The following ARMH3 variants were observed in gnomAD, a reference collection of about 807,000 sequenced individuals.
The protein encoded by ARMH3 is armadillo like helical domain containing 3, also known as armadillo-like helical domain-containing protein 3.
Under a neutral mutation model 99.1 loss-of-function variants are expected in ARMH3, and 60 were observed. The observed-to-expected ratio is 0.61, with a 90% CI of 0.49 to 0.75. ARMH3 has a LOEUF of 0.75. ARMH3 is among the 30% of genes least tolerant of loss of function. The pLI is 0.00. For missense variants in ARMH3, 679 were observed against 843.1 expected (o/e 0.81, Z 2.41); for synonymous variants, 285 against 292.8 (o/e 0.97, Z 0.27).
intron 19 of ARMH3, among the ~76,000 whole-genome samples, chr10:101,976,168 C>CAA (rs780547260): frequency 0.01 from 241 of 23,042 alleles, 10 homozygotes; most frequent in East Asian, 0.059. Flanking sequence ...GACTCTGTCT[C>CAA]AAAAAAAAAA....
At chr10:101,876,475 C>T (rs1378583187) in intron 24 of ARMH3, among the ~76,000 whole-genome samples, 1 of 152,144 alleles carries the variant, frequency 6.6e-6, no homozygotes, top group Non-Finnish European at 1.5e-5. Flanking sequence ...ATTTATCTAT[C>T]CCTCCCAAAC....
chr10:101,873,620 G>A (rs1196189936), intron 24 of ARMH3, among the ~76,000 whole-genome samples: 3 of 152,116 alleles, frequency 2.0e-5, no homozygotes, highest in South Asian at 2.1e-4. Context: ...AAGAAATCCC[G>A]TACTCATTAG....
chr10:101,860,254 A>C (rs1038452123), intron 24 of ARMH3, among the ~76,000 whole-genome samples: 6 of 152,162 alleles, frequency 3.9e-5, no homozygotes, highest in African/African-American at 1.4e-4. Context: ...ATAGATATAG[A>C]TATAGATATA....
At chr10:102,016,135 GATCA>G (rs763906667) in intron 8 of ARMH3, among the ~76,000 whole-genome samples, 15 of 152,128 alleles carry the variant, frequency 9.9e-5, no homozygotes, top group Non-Finnish European at 1.9e-4. Context: ...ACCCTGTCTC[GATCA>G]ATCAATCAAA....
chr10:101,866,488 A>C (rs925889501), intron 24 of ARMH3, among the ~76,000 whole-genome samples: 6 of 151,332 alleles, frequency 4.0e-5, no homozygotes, highest in African/African-American at 1.5e-4. Flanking sequence ...AGTGTAAAAA[A>C]AAAAAAAAAA....
At chr10:102,031,604 A>C (rs1271671608) in intron 4 of ARMH3, among the ~76,000 whole-genome samples, 1 of 152,216 alleles carries the variant, frequency 6.6e-6, no homozygotes, top group Non-Finnish European at 1.5e-5. Flanking sequence ...ACATCAACTC[A>C]AGAGGTAATT....
Position 101,889,701 on chromosome 10 carries a change from T to C in ARMH3, c.1782-211A>G, listed in dbSNP as rs991272237. 6 of 542,180 alleles carry C rather than the reference T, an allele frequency of 1.1e-5. No homozygotes were observed. In the Admixed American group the frequency reaches 1.5e-4, roughly 14 times the overall value. The allele number at this position is 542,180 out of a possible 1,614,324, so 33.6% of individuals were successfully genotyped here. On this transcript the variant is annotated intron_variant, in intron 23 of 25. Transcript: ENST00000370033. ...GAAGGATTTACTATTAGACAGAAAA[T>C]AGAATCAAGCATCTCTGCTCTGCAA... is the stretch of plus-strand genomic sequence containing the variant.
At chr10:101,966,839 G>C (rs1845564643) in intron 20 of ARMH3, among the ~76,000 whole-genome samples, 1 of 152,142 alleles carries the variant, frequency 6.6e-6, no homozygotes, top group South Asian at 2.1e-4. Flanking sequence ...GGTAAACCAG[G>C]TGCAGAGAGG....
intron 23 of ARMH3, among the ~76,000 whole-genome samples, chr10:101,935,173 CAATATATATA>C (rs1175329720): frequency 2.9e-5 from 2 of 67,882 alleles, no homozygotes; most frequent in African/African-American, 1.8e-4. Flanking sequence ...AAAGGTGGAG[CAATATATATA>C]TATATATATA....
intron 24 of ARMH3, among the ~76,000 whole-genome samples, chr10:101,853,050 ATT>A (rs747143889): frequency 3.4e-4 from 44 of 129,488 alleles, no homozygotes; most frequent in Admixed American, 2.4e-4. Flanking sequence ...TGCTTGGCTA[ATT>A]TTTTTTTTTT....
intron 24 of ARMH3, among the ~76,000 whole-genome samples, chr10:101,858,442 A>C (rs1488670447): frequency 6.6e-6 from 1 of 152,202 alleles, no homozygotes; most frequent in Non-Finnish European, 1.5e-5. Flanking sequence ...AAAGCTTTCT[A>C]TGCTTGGCAC....
chr10:101,988,176 A>C (rs935626702), intron 19 of ARMH3, among the ~76,000 whole-genome samples: 7 of 152,230 alleles, frequency 4.6e-5, no homozygotes, highest in Non-Finnish European at 1.0e-4. Flanking sequence ...GTAACAGTTC[A>C]GAATTTATAG....
chr10:102,044,119 A>T (rs1385737691), intron 1 of ARMH3, among the ~76,000 whole-genome samples: 1 of 121,904 alleles, frequency 8.2e-6, no homozygotes, highest in African/African-American at 3.2e-5. Flanking sequence ...TTGGAGACGG[A>T]GTCTCGCTCT....
intron 2 of ARMH3, 63 bp from the exon 3 acceptor site, chr10:102,033,402 A>G: frequency 1.3e-6 from 2 of 1,499,578 alleles, no homozygotes; most frequent in Non-Finnish European, 1.8e-6. Flanking sequence ...TAAGAATACT[A>G]TACATAGTCA....
intron 22 of ARMH3, among the ~76,000 whole-genome samples, chr10:101,950,933 G>C (rs1844754871): frequency 6.6e-6 from 1 of 151,960 alleles, no homozygotes; most frequent in South Asian, 2.1e-4. Context: ...TGCTTTAATG[G>C]GCAGATTATA....
Position 101,978,195 on chromosome 10 carries a change from A to T in ARMH3, c.1407-2895T>A, listed in dbSNP as rs1394266607. ...AGCATTCATAATAAAAGAAAACTGG[A>T]AACAACTATGGAAAGAACATTTGAT... is the stretch of plus-strand genomic sequence containing the variant. On this transcript the variant is annotated intron_variant, in intron 19 of 25. Coordinates refer to ENST00000370033, the MANE Select transcript of ARMH3 (RefSeq NM_024541.3). Among the ~76,000 whole-genome samples the T allele has an allele frequency of 1.1e-4, 16 of 152,270 alleles. No individual in the cohort carries two copies. In the East Asian group the frequency reaches 3.1e-3, roughly 29 times the overall value.
At chr10:101,883,013 T>C (rs1014235132) in intron 24 of ARMH3, among the ~76,000 whole-genome samples, 6 of 152,352 alleles carry the variant, frequency 3.9e-5, no homozygotes, top group African/African-American at 1.4e-4. Context: ...GCATCACCTG[T>C]GAATTAGTAT....
At chr10:102,028,571 T>C (rs942218318) in intron 5 of ARMH3, among the ~76,000 whole-genome samples, 3 of 152,160 alleles carry the variant, frequency 2.0e-5, no homozygotes, top group Non-Finnish European at 2.9e-5. Flanking sequence ...TAAAAAGGAA[T>C]GAAATACTAA....
At position 102,009,895 on chromosome 10, in the gene ARMH3, A is replaced by C. The variant is rs773665752; in HGVS notation, c.878+82T>G. The C allele has an allele frequency of 4.1e-4, 532 of 1,283,320 alleles. 1 individual carries two copies. Among genetic ancestry groups the C allele is most frequent in the Non-Finnish European group, 5.1e-4 (458 of 898,542 alleles). The allele number at this position is 1,283,320 out of a possible 1,614,324, so 79.5% of individuals were successfully genotyped here. A position where few individuals can be genotyped will look rare whatever the true frequency, so the allele number is the denominator to read the frequency against. On this transcript the variant is annotated intron_variant, in intron 12 of 25. Coordinates refer to ENST00000370033, the MANE Select transcript of ARMH3 (RefSeq NM_024541.3). ...TATGATTCTGTAAAAGATTAGCAAG[A>C]GGTAACACTGCACACTCTCATATCC...
Sources: allele counts gnomAD v4.1 joint callset (sites outside exome capture counted in the v4.1 genomes callset), GRCh38; gene constraint gnomAD v4.1.1; transcripts MANE v1.5; gene names NCBI Gene and HGNC (gene_info 2026-07-23, HGNC 2026-07-21).